Variants in PLCG2 observed in about 807,000 individuals in gnomAD.
PLCG2 encodes 1-phosphatidylinositol 4,5-bisphosphate phosphodiesterase gamma-2.
In PLCG2, 69 loss-of-function variants were observed where a neutral mutation model predicts 175.6. The ratio of observed to expected loss-of-function variants is 0.39; its 90% CI spans 0.32 to 0.48. The LOEUF is 0.48. Ranked by LOEUF, PLCG2 falls within the 20% of genes least tolerant of loss-of-function variation. PLCG2 has a pLI of 0.91. For synonymous variants in PLCG2, 827 were observed against 624.0 expected (o/e 1.33, Z -4.85); for missense variants, 1,798 against 1,650.9 (o/e 1.09, Z -1.54).
chr16:81,875,184 G>C (rs183735169), intron 7 of PLCG2, among the ~76,000 whole-genome samples: 6 of 151,968 alleles, frequency 3.9e-5, no homozygotes, highest in Admixed American at 2.6e-4. Flanking sequence ...GGCTAGTCTC[G>C]AACTCCTGAC....
rs1016581577 is a variant in PLCG2, at chr16:81,962,674, C to A, written c.*4676C>A. On this transcript the variant is annotated 3_prime_UTR_variant, in exon 33 of 33. Transcript: ENST00000564138. ...ATCACATTTTGAAAAATAAAAGTTT[C>A]ATCTGAATGAATATAGCAATCTGCC... 1 of 216,018 alleles carries A rather than the reference C, an allele frequency of 4.6e-6. No homozygotes were observed. The highest frequency in any genetic ancestry group is 2.3e-5 in the African/African-American group (1 of 44,418). The allele number at this position is 216,018 out of a possible 1,614,324, so 13.4% of individuals were successfully genotyped here. A position where few individuals can be genotyped will look rare whatever the true frequency, so the allele number is the denominator to read the frequency against.
intron 2 of PLCG2, among the ~76,000 whole-genome samples, chr16:81,842,267 A>C (rs915957577): frequency 6.6e-6 from 1 of 152,172 alleles, no homozygotes; most frequent in Admixed American, 6.5e-5. Flanking sequence ...TGCTCAGAGA[A>C]GCCTTTCTTC....
At chr16:81,869,381 T>G in intron 6 of PLCG2, 83 bp downstream of exon 6, 4 of 952,736 alleles carry the variant, frequency 4.2e-6, no homozygotes, top group South Asian at 3.9e-5. Flanking sequence ...TGCCTTTGAG[T>G]TCCGTGGAAT....
intron 31 of PLCG2, among the ~76,000 whole-genome samples, chr16:81,948,873 T>C (rs1311987201): frequency 1.3e-5 from 2 of 152,114 alleles, no homozygotes; most frequent in Non-Finnish European, 2.9e-5. Flanking sequence ...CAGACTAAGG[T>C]ACACACCTGG....
chr16:81,831,566 G>T (rs764109907), intron 2 of PLCG2, among the ~76,000 whole-genome samples: 3 of 152,202 alleles, frequency 2.0e-5, no homozygotes, highest in Non-Finnish European at 4.4e-5. Flanking sequence ...CCATACTCCA[G>T]TTGGGACCCC....
intron 10 of PLCG2, among the ~76,000 whole-genome samples, chr16:81,891,029 G>C (rs1908606354): frequency 6.6e-6 from 1 of 152,106 alleles, no homozygotes; most frequent in Non-Finnish European, 1.5e-5. Flanking sequence ...CTGGTGTGGT[G>C]GTGCACGCCT....
chr16:81,780,038 G>C (rs1308663483), intron 1 of PLCG2, among the ~76,000 whole-genome samples: 1 of 152,216 alleles, frequency 6.6e-6, no homozygotes, highest in Non-Finnish European at 1.5e-5. Flanking sequence ...CAGCGCAAGA[G>C]TTCAGGTTAA....
chr16:81,800,494 C>G (rs545059046), intron 2 of PLCG2, among the ~76,000 whole-genome samples: 27 of 152,246 alleles, frequency 1.8e-4, no homozygotes, highest in African/African-American at 6.5e-4. Context: ...TGTTAGTTTG[C>G]TGAGGATGAT....
intron 21 of PLCG2, among the ~76,000 whole-genome samples, chr16:81,922,072 A>C (rs966550820): frequency 1.3e-5 from 2 of 152,138 alleles, no homozygotes; most frequent in Non-Finnish European, 2.9e-5. Context: ...GTGGCCTTGG[A>C]GACTGGCTGG....
At chr16:81,956,914 G>T in intron 32 of PLCG2, 35 bp downstream of exon 32, 2 of 1,572,128 alleles carry the variant, frequency 1.3e-6, no homozygotes, top group Admixed American at 1.7e-5. Flanking sequence ...AAACTTTTGG[G>T]GGGTCTCTAG....
At chr16:81,921,311 G>A in intron 21 of PLCG2, 42 bp downstream of exon 21, 4 of 1,274,936 alleles carry the variant, frequency 3.1e-6, no homozygotes, top group Middle Eastern at 1.8e-4. Flanking sequence ...TTGGAGTCAC[G>A]AGGCTGATGT....
intron 14 of PLCG2, 60 bp downstream of exon 14, chr16:81,900,840 C>T: frequency 3.4e-6 from 5 of 1,487,610 alleles, no homozygotes; most frequent in Non-Finnish European, 4.6e-6. Context: ...GGTTCCCCGG[C>T]TCTGGGTCCC....
chr16:81,933,066 T>A (rs1173935019), intron 25 of PLCG2, among the ~76,000 whole-genome samples: 1 of 152,222 alleles, frequency 6.6e-6, no homozygotes, highest in Admixed American at 6.5e-5. Context: ...GCTCTGTCTC[T>A]CCCCTGCCTC....
intron 31 of PLCG2, among the ~76,000 whole-genome samples, chr16:81,953,912 TAACA>T (rs1911464979): frequency 6.6e-6 from 1 of 152,222 alleles, no homozygotes; most frequent in African/African-American, 2.4e-5. Context: ...TGCGCCCGAA[TAACA>T]AATACCCATT....
chr16:81,928,900 A>G (rs746303245), intron 24 of PLCG2: 10 of 395,898 alleles, frequency 2.5e-5, no homozygotes, highest in Non-Finnish European at 4.1e-5. Flanking sequence ...CACTCTTATT[A>G]TTTCAGGATC....
At chr16:81,849,835 A>G (rs1906317342) in intron 2 of PLCG2, among the ~76,000 whole-genome samples, 1 of 152,222 alleles carries the variant, frequency 6.6e-6, no homozygotes, top group South Asian at 2.1e-4. Flanking sequence ...TTACTGGGAA[A>G]GAGAATTGTT....
Position 81,962,059 on chromosome 16 carries a change from G to T in PLCG2, c.*4061G>T, listed in dbSNP as rs772223998. ...ATGTGCGTCCCTCCCGAAGCTGCGC[G>T]CTCCGTCGAAGAGGACGACCAACCC... On this transcript the variant is annotated 3_prime_UTR_variant, in exon 33 of 33. Transcript: ENST00000564138. 2.1e-5 allele frequency: 4 copies of T among 188,422 alleles called. No homozygotes were observed. The East Asian group carries it at 2.6e-4, about 12-fold the overall frequency. The allele number at this position is 188,422 out of a possible 1,614,324, so 11.7% of individuals were successfully genotyped here.
At chr16:81,836,447 G>T (rs546243838) in intron 2 of PLCG2, among the ~76,000 whole-genome samples, 1 of 152,274 alleles carries the variant, frequency 6.6e-6, no homozygotes, top group East Asian at 1.9e-4. Context: ...GTGGTTAAGA[G>T]TGCAAGCTTT....
At chr16:81,839,460 A>G (rs114472783) in intron 2 of PLCG2, among the ~76,000 whole-genome samples, 1 of 152,166 alleles carries the variant, frequency 6.6e-6, no homozygotes, top group Non-Finnish European at 1.5e-5. Context: ...TTAAAATATT[A>G]ATAGGCTGTA....
Sources: allele counts gnomAD v4.1 joint callset (sites outside exome capture counted in the v4.1 genomes callset), GRCh38; gene constraint gnomAD v4.1.1; transcripts MANE v1.5; gene names NCBI Gene and HGNC (gene_info 2026-07-23, HGNC 2026-07-21).